Variants in INVS observed in about 807,000 individuals in gnomAD.
INVS encodes the protein inversion of embryo turning homolog.
Under a neutral mutation model 108.8 loss-of-function variants are expected in INVS, and 86 were observed. The ratio of observed to expected loss-of-function variants is 0.79; its 90% CI spans 0.66 to 0.95. The LOEUF (loss-of-function observed/expected upper bound fraction) is 0.95, where lower values mean the gene tolerates loss of function less well. Among genes scored for constraint, INVS ranks in the 40% least tolerant of loss-of-function variants. The pLI is 0.00. For missense variants in INVS, 1,169 were observed against 1,297.4 expected (o/e 0.90, Z 1.52); for synonymous variants, 455 against 473.5 (o/e 0.96, Z 0.51).
chr9:100,237,676 G>T (rs1428609594), intron 5 of INVS, among the ~76,000 whole-genome samples: 1 of 152,114 alleles, frequency 6.6e-6, no homozygotes. Flanking sequence ...CACCGTCTGT[G>T]GGCTGCACCC....
chr9:100,225,080 C>T (rs1230604170), intron 3 of INVS, among the ~76,000 whole-genome samples: 2 of 147,866 alleles, frequency 1.4e-5, no homozygotes, highest in Admixed American at 6.7e-5. Flanking sequence ...TTTTTTGAGA[C>T]GGAGTCTCAC....
intron 2 of INVS, among the ~76,000 whole-genome samples, chr9:100,113,146 C>A (rs112149375): frequency 2.6e-5 from 4 of 152,274 alleles, no homozygotes; most frequent in African/African-American, 9.6e-5. Flanking sequence ...TTAAATAAAT[C>A]TTTATCTATA....
At chr9:100,237,869 T>C (rs1158177817) in intron 5 of INVS, among the ~76,000 whole-genome samples, 1 of 149,546 alleles carries the variant, frequency 6.7e-6, no homozygotes, top group Admixed American at 6.6e-5. Context: ...TCTCTCTGGT[T>C]TTTTGTTTGT....
chr9:100,191,116 C>A (rs1830207529), intron 3 of INVS, among the ~76,000 whole-genome samples: 3 of 152,188 alleles, frequency 2.0e-5, no homozygotes, highest in Non-Finnish European at 4.4e-5. Context: ...CCACCTCGGC[C>A]TCCCGAAGTG....
At chr9:100,250,144 T>C (rs1832180636) in intron 8 of INVS, among the ~76,000 whole-genome samples, 1 of 152,110 alleles carries the variant, frequency 6.6e-6, no homozygotes, top group African/African-American at 2.4e-5. Flanking sequence ...TAGCTATTGT[T>C]ACTCCCTCTT....
chr9:100,270,748 C>CA (rs746291227), intron 11 of INVS, among the ~76,000 whole-genome samples: 2,546 of 45,804 alleles, frequency 0.056, 64 homozygotes, highest in East Asian at 0.1. Context: ...AACTCCATCT[C>CA]AAAAAAAAAA....
At chr9:100,300,137 T>C (rs1450249848) in intron 16 of INVS, among the ~76,000 whole-genome samples, 1 of 152,228 alleles carries the variant, frequency 6.6e-6, no homozygotes, top group Admixed American at 6.5e-5. Flanking sequence ...AAAATCCATT[T>C]TGATATTCCC....
chr9:100,206,366 T>C (rs1404359508), intron 3 of INVS, among the ~76,000 whole-genome samples: 1 of 152,154 alleles, frequency 6.6e-6, no homozygotes, highest in East Asian at 1.9e-4. Context: ...AAGTTTTTTT[T>C]CTTTTTTTCT....
intron 3 of INVS, among the ~76,000 whole-genome samples, chr9:100,193,417 CA>C (rs1301652479): frequency 6.6e-6 from 1 of 152,182 alleles, no homozygotes; most frequent in Non-Finnish European, 1.5e-5. Flanking sequence ...AGCACATTCA[CA>C]GCATTGTGCC....
At chr9:100,106,234 A>G (rs1827176004) in intron 2 of INVS, among the ~76,000 whole-genome samples, 1 of 152,168 alleles carries the variant, frequency 6.6e-6, no homozygotes, top group Non-Finnish European at 1.5e-5. Flanking sequence ...CTGCTAAAAC[A>G]GAGCAAAGAT....
In INVS at chr9:100,253,137, G is replaced by A. The variant is rs375753623; in HGVS notation, c.1464+1G>A. 11 of 1,605,822 alleles carry A rather than the reference G, an allele frequency of 6.9e-6. No individual in the cohort carries two copies. Among genetic ancestry groups the A allele is most frequent in the Non-Finnish European group, 8.5e-7 (1 of 1,173,110 alleles). ...AGACCCTAACATTCAAGACAAAGAG[G>A]TAGAAATTCTGTCTTTTCTATATTG... On this transcript the variant is annotated splice_donor_variant, in intron 10 of 16. Transcript: ENST00000262457. LOFTEE classifies it high-confidence loss of function.
chr9:100,162,470 A>C (rs905860236), intron 3 of INVS, among the ~76,000 whole-genome samples: 6 of 152,192 alleles, frequency 3.9e-5, no homozygotes, highest in Admixed American at 3.3e-4. Flanking sequence ...CCTTGGAGTT[A>C]ATTTCAAGGT....
At chr9:100,164,269 TCTA>T (rs1363071376) in intron 3 of INVS, among the ~76,000 whole-genome samples, 2 of 152,208 alleles carry the variant, frequency 1.3e-5, no homozygotes, top group Admixed American at 6.5e-5. Context: ...ACACTTAAAA[TCTA>T]CTCTCTTAGC....
At position 100,264,894 on chromosome 9, in the gene INVS, G is replaced by C. The variant is rs920211806; in HGVS notation, c.1537G>C (p.Ala513Pro). The C allele has an allele frequency of 1.2e-6, 2 of 1,612,310 alleles. No homozygotes were observed. The highest frequency in any genetic ancestry group is 1.7e-6 in the Non-Finnish European group (2 of 1,179,406). ...CATTAAATTACTGCTAGACTTTGCT[G>C]CTTTCCCTAATCAGATGGAAAACAA... ...DAIKLLLDFA[A>P]FPNQMENNEE... Residue 513 changes from alanine (A) to proline (P), a missense_variant, in exon 11 of 17, where the codon GCT becomes CCT. Ala to Pro is a conservative substitution (Grantham distance 27). Around this residue, in one of 3 missense-constraint regions of INVS, gnomAD observed 271 missense variants for 363.8 expected, o/e 0.74. Transcript: ENST00000262457.
intron 3 of INVS, among the ~76,000 whole-genome samples, chr9:100,198,393 G>A (rs1830445062): frequency 7.0e-6 from 1 of 143,074 alleles, no homozygotes; most frequent in African/African-American, 2.6e-5. Flanking sequence ...TGTCTCCCGA[G>A]TTCAAGCGAT....
At chr9:100,230,655 A>C (rs1330284164) in intron 5 of INVS, among the ~76,000 whole-genome samples, 1 of 152,044 alleles carries the variant, frequency 6.6e-6, no homozygotes, top group Middle Eastern at 3.2e-3. Context: ...GGTAGCTGGG[A>C]CTGCAGGCGT....
At chr9:100,100,945 TA>T (rs1270465151) in intron 1 of INVS, among the ~76,000 whole-genome samples, 4 of 38,386 alleles carry the variant, frequency 1.0e-4, no homozygotes, top group Non-Finnish European at 1.6e-4. Context: ...ATAATATATA[TA>T]CATATATATT....
chr9:100,265,923 A>T (rs10989041), intron 11 of INVS, among the ~76,000 whole-genome samples: 29,291 of 152,062 alleles, frequency 0.19, 3,506 homozygotes, highest in African/African-American at 0.34. Context: ...CTAAAAATAT[A>T]AAAAAGTTAG....
intron 2 of INVS, among the ~76,000 whole-genome samples, chr9:100,117,878 T>C (rs763603814): frequency 5.9e-5 from 9 of 151,916 alleles, no homozygotes; most frequent in Non-Finnish European, 1.2e-4. Context: ...ATTAACACCC[T>C]TATAAAAGGA....
Sources: allele counts gnomAD v4.1 joint callset (sites outside exome capture counted in the v4.1 genomes callset), GRCh38; gene constraint gnomAD v4.1.1; regional missense constraint gnomAD v4.1.1; transcripts MANE v1.5; gene names NCBI Gene and HGNC (gene_info 2026-07-23, HGNC 2026-07-21).